CLYBL: variants seen among roughly 807,000 people sequenced by gnomAD.
CLYBL encodes the protein citramalyl-CoA lyase.
A neutral mutation model predicts 38.9 loss-of-function variants in CLYBL; 31 were observed. The ratio of observed to expected loss-of-function variants is 0.80; its 90% confidence interval spans 0.60 to 1.08. CLYBL has a LOEUF of 1.08. Among genes scored for constraint, CLYBL ranks in the 50% least tolerant of loss-of-function variants. CLYBL has a pLI of 0.00. For missense variants in CLYBL, 434 were observed against 411.6 expected (o/e 1.05, Z -0.47); for synonymous variants, 171 against 158.6 (o/e 1.08, Z -0.59).
chr13:99,885,636 G>A (rs1477808633), intron 7 of CLYBL, among the ~76,000 whole-genome samples: 1 of 152,144 alleles, frequency 6.6e-6, no homozygotes, highest in African/African-American at 2.4e-5. Context: ...CAGCTTTGGA[G>A]CCGGGAAGCC....
At chr13:99,819,284 AC>A (rs926810408) in intron 2 of CLYBL, among the ~76,000 whole-genome samples, 1 of 150,480 alleles carries the variant, frequency 6.6e-6, no homozygotes, top group African/African-American at 2.4e-5. Context: ...ATTTGAGGCT[AC>A]AGTTAACTAT....
chr13:99,890,856 A>G (rs560969376), intron 7 of CLYBL, among the ~76,000 whole-genome samples: 1 of 152,268 alleles, frequency 6.6e-6, no homozygotes, highest in African/African-American at 2.4e-5. Flanking sequence ...GCATTTTCTC[A>G]TAACCTTATC....
At chr13:99,840,085 T>C (rs1318802818) in intron 2 of CLYBL, among the ~76,000 whole-genome samples, 1 of 151,450 alleles carries the variant, frequency 6.6e-6, no homozygotes, top group African/African-American at 2.4e-5. Flanking sequence ...CTGGGAACTC[T>C]GAGGGCTTCA....
chr13:99,741,888 CATT>C (rs1305352856), intron 1 of CLYBL, among the ~76,000 whole-genome samples: 1 of 152,120 alleles, frequency 6.6e-6, no homozygotes, highest in African/African-American at 2.4e-5. Context: ...GGGACAGAAA[CATT>C]ATTGTTCCAT....
chr13:99,889,202 C>A (rs996444602), intron 7 of CLYBL, among the ~76,000 whole-genome samples: 1 of 152,174 alleles, frequency 6.6e-6, no homozygotes, highest in African/African-American at 2.4e-5. Context: ...TCTCTGCGCA[C>A]CGTTTTGATT....
intron 2 of CLYBL, among the ~76,000 whole-genome samples, chr13:99,818,480 C>G (rs899848347): frequency 1.3e-5 from 2 of 149,990 alleles, no homozygotes; most frequent in African/African-American, 4.9e-5. Context: ...CACACACACA[C>G]ACACGGACAC....
At chr13:99,658,618 C>T (rs998657082) in intron 1 of CLYBL, among the ~76,000 whole-genome samples, 3 of 152,004 alleles carry the variant, frequency 2.0e-5, no homozygotes, top group Admixed American at 2.0e-4. Context: ...GGCAGCGGGG[C>T]GGGGTGTGGA....
At chr13:99,830,107 A>ATC (rs1368958371) in intron 2 of CLYBL, among the ~76,000 whole-genome samples, 1 of 152,012 alleles carries the variant, frequency 6.6e-6, no homozygotes, top group Non-Finnish European at 1.5e-5. Context: ...TCATTTGTTG[A>ATC]TCTCTCTCTC....
chr13:99,856,830 G>T lies in CLYBL; in HGVS notation c.250-2031G>T, dbSNP rs554277422. 3.3e-5 allele frequency among the ~76,000 whole-genome samples: 5 copies of T among 151,460 alleles called. No individual in the cohort carries two copies. The South Asian group carries it at 1.0e-3, about 32-fold the overall frequency. ...ATTTTTGCATTTTTAGTAGAGATGGGGTTTCACCATGTTGGCCAGGCTGGT... is the reference window on the plus strand; with the variant it reads ...ATTTTTGCATTTTTAGTAGAGATGGTGTTTCACCATGTTGGCCAGGCTGGT... On this transcript the variant is annotated intron_variant, in intron 2 of 8. Transcript: ENST00000339105.
intron 2 of CLYBL, among the ~76,000 whole-genome samples, chr13:99,832,790 C>A (rs2050831841): frequency 6.7e-6 from 1 of 149,326 alleles, no homozygotes; most frequent in African/African-American, 2.5e-5. Flanking sequence ...ATAGGACCAC[C>A]AGTGGAGGCA....
At chr13:99,740,555 G>A (rs1218255657) in intron 1 of CLYBL, among the ~76,000 whole-genome samples, 2 of 152,102 alleles carry the variant, frequency 1.3e-5, no homozygotes, top group East Asian at 1.9e-4. Flanking sequence ...TCTATGTGCC[G>A]GTCTTGCCTT....
At chr13:99,661,083 T>A (rs969743870) in intron 1 of CLYBL, among the ~76,000 whole-genome samples, 1 of 152,226 alleles carries the variant, frequency 6.6e-6, no homozygotes, top group Admixed American at 6.5e-5. Flanking sequence ...AAAAAATTTT[T>A]GACAAAACAC....
chr13:99,888,213 T>C (rs1417851748), intron 7 of CLYBL, among the ~76,000 whole-genome samples: 1 of 152,158 alleles, frequency 6.6e-6, no homozygotes, highest in African/African-American at 2.4e-5. Context: ...ACAATGTACA[T>C]AGAGTTAACA....
At chr13:99,611,177 T>A (rs1381864735) in intron 1 of CLYBL, among the ~76,000 whole-genome samples, 1 of 152,244 alleles carries the variant, frequency 6.6e-6, no homozygotes, top group Non-Finnish European at 1.5e-5. Context: ...TTACTGAGAT[T>A]CATACATTTT....
chr13:99,634,279 A>G (rs951695530), intron 1 of CLYBL, among the ~76,000 whole-genome samples: 4 of 152,216 alleles, frequency 2.6e-5, no homozygotes, highest in Non-Finnish European at 5.9e-5. Flanking sequence ...TGAAGCCCAA[A>G]TAAAGACCTT....
intron 1 of CLYBL, among the ~76,000 whole-genome samples, chr13:99,716,310 G>A (rs1473361883): frequency 6.8e-6 from 1 of 146,846 alleles, no homozygotes; most frequent in African/African-American, 2.5e-5. Flanking sequence ...ATGCCCGGCA[G>A]ACGTCATTTT....
At chr13:99,810,832 C>T (rs2050326590) in intron 2 of CLYBL, among the ~76,000 whole-genome samples, 1 of 152,212 alleles carries the variant, frequency 6.6e-6, no homozygotes. Flanking sequence ...TTCCCTCCTT[C>T]CCCTCCAAAC....
chr13:99,864,538 A>ATGAGTTAACTCAAAGTTTC (rs1242639242), intron 4 of CLYBL, among the ~76,000 whole-genome samples: 3 of 152,238 alleles, frequency 2.0e-5, no homozygotes, highest in African/African-American at 7.2e-5. Flanking sequence ...TGCAAGCAAA[A>ATGAGTTAACTCAAAGTTTC]TGAGTTAACT....
intron 9 of CLYBL, among the ~76,000 whole-genome samples, chr13:99,908,017 A>G (rs1241748585): frequency 6.6e-6 from 1 of 152,210 alleles, no homozygotes; most frequent in East Asian, 1.9e-4. Context: ...CGGATTGGCA[A>G]AAAAGTAACC....
Sources: gnomAD v4.1 joint callset for allele counts (sites outside exome capture counted in the v4.1 genomes callset) on GRCh38, gnomAD v4.1.1 for gene constraint, MANE v1.5 for transcripts, NCBI Gene and HGNC (gene_info 2026-07-23, HGNC 2026-07-21) for gene names.